The following HS3ST4 variants were observed in gnomAD, a reference collection of about 807,000 sequenced individuals.
The protein encoded by HS3ST4 is heparan sulfate glucosamine 3-O-sulfotransferase 4.
Under a neutral mutation model 29.2 loss-of-function variants are expected in HS3ST4, and 17 were observed. The ratio of observed to expected loss-of-function variants is 0.58; its 90% confidence interval spans 0.40 to 0.87. The LOEUF is 0.87. Ranked by LOEUF, HS3ST4 falls within the 40% of genes least tolerant of loss-of-function variation. The pLI, the probability that HS3ST4 is intolerant of heterozygous loss-of-function variation, is 0.00. For synonymous variants in HS3ST4, 314 were observed against 285.7 expected, an observed-to-expected ratio of 1.10 and a Z score of -1.00; for missense variants, 627 against 634.5, an observed-to-expected ratio of 0.99 and a Z score of 0.13.
intron 1 of HS3ST4, among the ~76,000 whole-genome samples, chr16:26,046,370 C>T (rs952594564): frequency 6.6e-6 from 1 of 151,952 alleles, no homozygotes; most frequent in Admixed American, 6.6e-5. Context: ...AGGCTGGTCC[C>T]GAACTCTTGA....
At chr16:25,796,054 C>T (rs942217542) in intron 1 of HS3ST4, among the ~76,000 whole-genome samples, 3 of 152,040 alleles carry the variant, frequency 2.0e-5, no homozygotes, top group Non-Finnish European at 2.9e-5. Context: ...TCTCACTGAC[C>T]TGTTCTTTCC....
intron 1 of HS3ST4, among the ~76,000 whole-genome samples, chr16:25,703,211 G>A (rs1966348119): frequency 6.6e-6 from 1 of 152,152 alleles, no homozygotes; most frequent in Non-Finnish European, 1.5e-5. Flanking sequence ...ATTAGTCAAT[G>A]TGGATGCACT....
At chr16:25,790,450 A>G (rs1347387979) in intron 1 of HS3ST4, among the ~76,000 whole-genome samples, 1 of 152,126 alleles carries the variant, frequency 6.6e-6, no homozygotes, top group Non-Finnish European at 1.5e-5. Flanking sequence ...TAAAAACTAA[A>G]TTTAGTTGAT....
At chr16:25,709,578 T>A (rs1474113634) in intron 1 of HS3ST4, among the ~76,000 whole-genome samples, 1 of 152,132 alleles carries the variant, frequency 6.6e-6, no homozygotes, top group Non-Finnish European at 1.5e-5. Context: ...ATAGAGGACC[T>A]AGGTTCTGTT....
intron 1 of HS3ST4, among the ~76,000 whole-genome samples, chr16:26,100,127 G>A (rs939307309): frequency 1.3e-5 from 2 of 152,062 alleles, no homozygotes; most frequent in Admixed American, 6.6e-5. Context: ...TGACAGTAGG[G>A]ACTCGAAAAG....
At chr16:25,697,799 A>C (rs1035494736) in intron 1 of HS3ST4, among the ~76,000 whole-genome samples, 11 of 152,006 alleles carry the variant, frequency 7.2e-5, no homozygotes, top group African/African-American at 2.7e-4. Context: ...CAGCCTCCTG[A>C]GTAGCTGGGA....
Position 25,894,419 on chromosome 16 carries a change from C to A in HS3ST4, c.734+201268C>A, listed in dbSNP as rs144389489. 4.3e-4 allele frequency among the ~76,000 whole-genome samples: 65 copies of A among 151,958 alleles called. No individual in the cohort carries two copies. In the East Asian group the frequency reaches 0.012, roughly 27 times the overall value. On this transcript the variant is annotated intron_variant, in intron 1 of 1. Coordinates refer to ENST00000331351, the MANE Select transcript of HS3ST4 (RefSeq NM_006040.3). ...GATCCGAAAGCAGAGTGGGAAGTTG[C>A]TAGGAGGAAAATATCCCCCGGCCCC...
At chr16:25,861,775 T>G (rs1967639964) in intron 1 of HS3ST4, among the ~76,000 whole-genome samples, 1 of 152,224 alleles carries the variant, frequency 6.6e-6, no homozygotes, top group Admixed American at 6.5e-5. Flanking sequence ...ATTTTACCAC[T>G]TATCCTCCCT....
intron 1 of HS3ST4, among the ~76,000 whole-genome samples, chr16:25,865,845 T>C (rs4787775): frequency 0.14 from 20,983 of 152,108 alleles, 1,978 homozygotes; most frequent in South Asian, 0.28. Flanking sequence ...AAGACTTAAA[T>C]GTAAGACCCA....
At chr16:25,869,236 T>C (rs968374117) in intron 1 of HS3ST4, among the ~76,000 whole-genome samples, 3 of 152,038 alleles carry the variant, frequency 2.0e-5, no homozygotes, top group Admixed American at 6.6e-5. Context: ...GCATTGGTGG[T>C]GTGGGTTCAC....
At chr16:26,057,163 A>T (rs1042559571) in intron 1 of HS3ST4, among the ~76,000 whole-genome samples, 1 of 152,234 alleles carries the variant, frequency 6.6e-6, no homozygotes, top group Non-Finnish European at 1.5e-5. Flanking sequence ...GAAAATATCC[A>T]AAATCAGAAA....
chr16:25,755,010 A>G (rs1054686486), intron 1 of HS3ST4, among the ~76,000 whole-genome samples: 4 of 151,682 alleles, frequency 2.6e-5, no homozygotes, highest in African/African-American at 4.8e-5. Flanking sequence ...CCCATCATCC[A>G]TCCATCTGTC....
chr16:26,130,907 T>C (rs1464712182), intron 1 of HS3ST4, among the ~76,000 whole-genome samples: 1 of 152,234 alleles, frequency 6.6e-6, no homozygotes, highest in Non-Finnish European at 1.5e-5. Context: ...TCCCTCCACC[T>C]GGGTATGTAG....
At chr16:25,945,655 C>T (rs1968618686) in intron 1 of HS3ST4, among the ~76,000 whole-genome samples, 1 of 152,164 alleles carries the variant, frequency 6.6e-6, no homozygotes, top group Non-Finnish European at 1.5e-5. Flanking sequence ...TTCTGTTCTG[C>T]AAGATTTATT....
chr16:25,931,588 G>A (rs1968464601), intron 1 of HS3ST4, among the ~76,000 whole-genome samples: 1 of 152,190 alleles, frequency 6.6e-6, no homozygotes, highest in Admixed American at 6.5e-5. Flanking sequence ...GGGCCATTTG[G>A]CAATAAAATG....
At chr16:25,753,549 T>C (rs1966735309) in intron 1 of HS3ST4, among the ~76,000 whole-genome samples, 1 of 152,226 alleles carries the variant, frequency 6.6e-6, no homozygotes, top group South Asian at 2.1e-4. Context: ...TTTGTGTTAC[T>C]ATTTTCATGT....
At chr16:25,812,037 G>A (rs1054249995) in intron 1 of HS3ST4, among the ~76,000 whole-genome samples, 2 of 152,134 alleles carry the variant, frequency 1.3e-5, no homozygotes, top group African/African-American at 2.4e-5. Context: ...TGGTGCATAT[G>A]TACCACGTTT....
At chr16:25,968,372 C>A (rs988494232) in intron 1 of HS3ST4, among the ~76,000 whole-genome samples, 1 of 152,204 alleles carries the variant, frequency 6.6e-6, no homozygotes, top group Non-Finnish European at 1.5e-5. Context: ...GGAAACCCAA[C>A]TGTCATCTTT....
At chr16:26,012,678 T>C (rs1969321314) in intron 1 of HS3ST4, among the ~76,000 whole-genome samples, 1 of 152,172 alleles carries the variant, frequency 6.6e-6, no homozygotes, top group Admixed American at 6.5e-5. Context: ...TACCCCCACA[T>C]TTCAGAATGT....
Sources: allele counts gnomAD v4.1 joint callset (sites outside exome capture counted in the v4.1 genomes callset), GRCh38; gene constraint gnomAD v4.1.1; transcripts MANE v1.5; gene names NCBI Gene and HGNC (gene_info 2026-07-23, HGNC 2026-07-21).